Variants in UNC13C observed in about 807,000 individuals in gnomAD.
UNC13C encodes protein unc-13 homolog C.
A neutral mutation model predicts 245.4 loss-of-function variants in UNC13C; 174 were observed. That is an observed-to-expected ratio of 0.71 (90% CI 0.63 to 0.80). The LOEUF is 0.80. Among genes scored for constraint, UNC13C ranks in the 30% least tolerant of loss-of-function variants. The pLI, the probability that UNC13C is intolerant of heterozygous loss-of-function variation, is 0.00. For missense variants in UNC13C, 2,829 were observed against 2,602.9 expected, an observed-to-expected ratio of 1.09 and a Z score of -1.89; for synonymous variants, 992 against 895.1, an observed-to-expected ratio of 1.11 and a Z score of -1.93.
intron 17 of UNC13C, among the ~76,000 whole-genome samples, chr15:54,352,351 TATAGAG>T (rs2039003230): frequency 7.5e-6 from 1 of 133,978 alleles, no homozygotes; most frequent in African/African-American, 3.0e-5. Flanking sequence ...TATATATATA[TATAGAG>T]AGAGAGAGAG....
the UNC13C span, among the ~76,000 whole-genome samples, chr15:53,925,993 A>G: frequency 6.6e-6 from 1 of 152,208 alleles, no homozygotes; most frequent in Non-Finnish European, 1.5e-5. Context: ...CAGTGGGAAC[A>G]CAACATATTT....
chr15:54,603,604 G>A (rs1338034338), intron 30 of UNC13C, among the ~76,000 whole-genome samples: 1 of 152,124 alleles, frequency 6.6e-6, no homozygotes. Flanking sequence ...GCTCACACCT[G>A]TAATCCCAAC....
At chr15:54,318,984 C>T (rs576898773) in intron 13 of UNC13C, among the ~76,000 whole-genome samples, 4 of 151,892 alleles carry the variant, frequency 2.6e-5, no homozygotes, top group African/African-American at 7.2e-5. Flanking sequence ...CTCAAGGTGG[C>T]AGCTAAAAAA....
At chr15:54,140,398 A>G (rs904070915) in intron 2 of UNC13C, among the ~76,000 whole-genome samples, 7 of 152,006 alleles carry the variant, frequency 4.6e-5, no homozygotes, top group African/African-American at 1.4e-4. Flanking sequence ...TGGTAAAAGT[A>G]AAAAAAACAG....
chr15:54,239,619 A>AT (rs112715657), intron 7 of UNC13C, among the ~76,000 whole-genome samples: 32,789 of 151,214 alleles, frequency 0.22, 5,543 homozygotes, highest in African/African-American at 0.47. Context: ...CTCAGCTAAT[A>AT]TTTCCTTTTT....
intron 4 of UNC13C, among the ~76,000 whole-genome samples, chr15:54,222,490 C>T (rs888466773): frequency 2.0e-5 from 3 of 151,566 alleles, no homozygotes. Flanking sequence ...CTTTATTCAT[C>T]TGATGATGGA....
At chr15:54,193,678 A>G (rs2034261774) in intron 4 of UNC13C, among the ~76,000 whole-genome samples, 1 of 152,096 alleles carries the variant, frequency 6.6e-6, no homozygotes. Flanking sequence ...TATTGTTTCT[A>G]TTTTACTGAT....
chr15:54,415,779 C>T (rs932457611), intron 19 of UNC13C, among the ~76,000 whole-genome samples: 2 of 152,128 alleles, frequency 1.3e-5, no homozygotes, highest in African/African-American at 4.8e-5. Flanking sequence ...TCCCCACCCT[C>T]ATCAAGATTG....
chr15:54,255,142 A>T (rs780791727), intron 8 of UNC13C, among the ~76,000 whole-genome samples: 32 of 152,128 alleles, frequency 2.1e-4, no homozygotes, highest in Non-Finnish European at 4.4e-4. Context: ...GGCATATGTT[A>T]CAGGGTGCTC....
At chr15:54,093,801 C>T (rs1472994913) in intron 2 of UNC13C, among the ~76,000 whole-genome samples, 2 of 152,128 alleles carry the variant, frequency 1.3e-5, no homozygotes, top group African/African-American at 4.8e-5. Flanking sequence ...TTCTATAACA[C>T]CTGAAAATAT....
At chr15:54,425,727 C>T (rs2040746192) in intron 19 of UNC13C, among the ~76,000 whole-genome samples, 1 of 151,772 alleles carries the variant, frequency 6.6e-6, no homozygotes, top group South Asian at 2.1e-4. Flanking sequence ...GCTATTTTTT[C>T]CTCTGTTTGA....
rs189215138 is a variant in UNC13C, at chr15:54,184,355, G to A, written c.3071+40671G>A. Among the ~76,000 whole-genome samples, 1,384 of 152,090 alleles carry A rather than the reference G, an allele frequency of 9.1e-3. 28 individuals carry two copies. Among genetic ancestry groups the A allele is most frequent in the African/African-American group, 0.032 (1,312 of 41,472 alleles). On this transcript the variant is annotated intron_variant, in intron 4 of 32. Coordinates refer to ENST00000260323, the MANE Select transcript of UNC13C (RefSeq NM_001080534.3). ...ATATGTATACATGTGCCATGTTGGTGTGCTGCACCCATTAACTCGTCATTT... is the reference window on the plus strand; with the variant it reads ...ATATGTATACATGTGCCATGTTGGTATGCTGCACCCATTAACTCGTCATTT...
intron 1 of UNC13C, among the ~76,000 whole-genome samples, chr15:53,982,366 C>T (rs1471208110): frequency 2.0e-5 from 3 of 152,090 alleles, no homozygotes; most frequent in African/African-American, 7.2e-5. Flanking sequence ...CTAGAAGTAG[C>T]TTCTCGAAGC....
chr15:54,520,774 G>A (rs1895182035), intron 24 of UNC13C, among the ~76,000 whole-genome samples: 1 of 152,126 alleles, frequency 6.6e-6, no homozygotes, highest in African/African-American at 2.4e-5. Flanking sequence ...TGACCATATG[G>A]AAACACGTCA....
At chr15:53,969,794 T>C in the UNC13C span, among the ~76,000 whole-genome samples, 1 of 152,116 alleles carries the variant, frequency 6.6e-6, no homozygotes, top group Admixed American at 6.5e-5. Context: ...ATATTGACAT[T>C]GTTGTGGGAC....
chr15:54,051,581 G>A (rs1897267190), intron 2 of UNC13C, among the ~76,000 whole-genome samples: 1 of 151,902 alleles, frequency 6.6e-6, no homozygotes, highest in South Asian at 2.1e-4. Context: ...GTGGTTCTAT[G>A]ATGGATATGA....
At chr15:54,212,546 C>G (rs1172826722) in intron 4 of UNC13C, among the ~76,000 whole-genome samples, 1 of 152,066 alleles carries the variant, frequency 6.6e-6, no homozygotes, top group East Asian at 1.9e-4. Context: ...ATACCGTGCT[C>G]CTTGTGGGAT....
chr15:54,473,656 G>A lies in UNC13C; in HGVS notation c.4934-20952G>A, dbSNP rs1374430405. The stretch of plus-strand genomic sequence containing the variant: ...TGGTTCCATCTATGTTGCTGCAAGT[G>A]CAAGATTTCCTTCCTTTTTACAGCT... On this transcript the variant is annotated intron_variant, in intron 19 of 32. Coordinates refer to ENST00000260323, the MANE Select transcript of UNC13C (RefSeq NM_001080534.3). Among the ~76,000 whole-genome samples the A allele has an allele frequency of 2.0e-5, 3 of 151,778 alleles. No individual in the cohort carries two copies. The East Asian group carries it at 5.8e-4, about 29-fold the overall frequency.
At chr15:53,926,553 A>T in the UNC13C span, among the ~76,000 whole-genome samples, 1 of 152,194 alleles carries the variant, frequency 6.6e-6, no homozygotes, top group Non-Finnish European at 1.5e-5. Flanking sequence ...GCTAGTTATT[A>T]TGCTATGTAT....
Sources: gnomAD v4.1 joint callset for allele counts (sites outside exome capture counted in the v4.1 genomes callset) on GRCh38, gnomAD v4.1.1 for gene constraint, MANE v1.5 for transcripts, NCBI Gene and HGNC (gene_info 2026-07-23, HGNC 2026-07-21) for gene names.